The following SYN3 variants were observed in gnomAD, a reference collection of about 807,000 sequenced individuals.
SYN3 encodes the protein synapsin III, also known as synapsin-3.
In SYN3, 35 loss-of-function variants were observed where a neutral mutation model predicts 65.8. The ratio of observed to expected loss-of-function variants is 0.53; its 90% confidence interval spans 0.41 to 0.70. The LOEUF is 0.70. Among genes scored for constraint, SYN3 ranks in the 30% least tolerant of loss-of-function variants. The probability of loss-of-function intolerance (pLI) is 0.00; values close to 1 mark genes in which losing one functional copy is unlikely to be tolerated. For synonymous variants in SYN3, 270 were observed against 292.9 expected (o/e 0.92, Z 0.80); for missense variants, 680 against 749.0 (o/e 0.91, Z 1.08).
chr22:32,780,973 CCTTCCCTCCT>C (rs879647018), intron 6 of SYN3, among the ~76,000 whole-genome samples: 16,407 of 96,620 alleles, frequency 0.17, 1,254 homozygotes, highest in East Asian at 0.34. Flanking sequence ...TTCCTTCCTT[CCTTCCCTCCT>C]TCCTTCCTCT....
At chr22:32,885,929 G>A (rs1436618102) in intron 4 of SYN3, among the ~76,000 whole-genome samples, 1 of 152,148 alleles carries the variant, frequency 6.6e-6, no homozygotes, top group Admixed American at 6.6e-5. Context: ...AACGAACCAG[G>A]ATTCACCTCA....
At chr22:32,914,685 G>A (rs1481685009) in intron 4 of SYN3, among the ~76,000 whole-genome samples, 4 of 151,924 alleles carry the variant, frequency 2.6e-5, no homozygotes, top group South Asian at 2.1e-4. Context: ...CTTGTGATCC[G>A]CCCGCCTCGG....
At chr22:32,718,856 C>A (rs1348984645) in intron 6 of SYN3, among the ~76,000 whole-genome samples, 1 of 152,194 alleles carries the variant, frequency 6.6e-6, no homozygotes, top group Non-Finnish European at 1.5e-5. Context: ...CGGCACCCAG[C>A]GTTCCTTTTA....
At chr22:32,707,982 T>C (rs5754222) in intron 6 of SYN3, among the ~76,000 whole-genome samples, 43,949 of 152,206 alleles carry the variant, frequency 0.29, 9,203 homozygotes, top group East Asian at 0.66. Flanking sequence ...CTCTGCAGCA[T>C]AGATCAGAAA....
intron 6 of SYN3, chr22:32,849,572 T>C: frequency 6.3e-7 from 1 of 1,592,748 alleles, no homozygotes; most frequent in Non-Finnish European, 8.6e-7. Context: ...GGAAGGTTTT[T>C]GGGTTTTTGC....
intron 6 of SYN3, among the ~76,000 whole-genome samples, chr22:32,756,793 C>T (rs971224413): frequency 6.6e-6 from 1 of 152,192 alleles, no homozygotes. Flanking sequence ...GGTGTCGGGG[C>T]CAGTCCTGTA....
chr22:32,949,135 G>A (rs187830371), intron 3 of SYN3, among the ~76,000 whole-genome samples: 106 of 152,214 alleles, frequency 7.0e-4, no homozygotes, highest in Admixed American at 2.0e-3. Context: ...TTTTGGCCGG[G>A]CACAGCAGCT....
chr22:32,814,624 A>G (rs1457830096), intron 6 of SYN3, among the ~76,000 whole-genome samples: 2 of 152,224 alleles, frequency 1.3e-5, no homozygotes, highest in Non-Finnish European at 2.9e-5. Flanking sequence ...GGGCTCCTTT[A>G]AGCCAGAGGA....
At chr22:32,859,657 CGTGATAA>C in intron 6 of SYN3, 1 of 452,436 alleles carries the variant, frequency 2.2e-6, no homozygotes, top group Non-Finnish European at 3.9e-6. Flanking sequence ...TCCTCTTCTT[CGTGATAA>C]TATAATCTCT....
intron 4 of SYN3, among the ~76,000 whole-genome samples, chr22:32,876,666 G>GA (rs1215586533): frequency 6.6e-6 from 1 of 151,138 alleles, no homozygotes; most frequent in Non-Finnish European, 1.5e-5. Context: ...CTTCATTCTG[G>GA]AAAAAAATGG....
intron 4 of SYN3, among the ~76,000 whole-genome samples, chr22:32,872,643 T>C (rs527615237): frequency 7.3e-4 from 111 of 152,322 alleles, no homozygotes; most frequent in Admixed American, 2.2e-3. Flanking sequence ...CTTGAAAGTC[T>C]AGGGTATGAT....
chr22:32,613,322 T>C (rs2059472443), intron 6 of SYN3, among the ~76,000 whole-genome samples: 3 of 152,128 alleles, frequency 2.0e-5, no homozygotes, highest in African/African-American at 7.2e-5. Context: ...TAAATAAATA[T>C]TGGTACAGGG....
chr22:32,721,517 C>T (rs941661866), intron 6 of SYN3, among the ~76,000 whole-genome samples: 4 of 152,190 alleles, frequency 2.6e-5, no homozygotes, highest in Non-Finnish European at 5.9e-5. Context: ...TCCTTTGATA[C>T]AACCCATTTC....
chr22:32,592,940 T>G (rs182841950), intron 7 of SYN3, among the ~76,000 whole-genome samples: 4 of 152,284 alleles, frequency 2.6e-5, no homozygotes, highest in Admixed American at 2.6e-4. Context: ...GGCCAGCAAT[T>G]GCATCCATGG....
At chr22:32,622,085 A>T (rs942467685) in intron 6 of SYN3, among the ~76,000 whole-genome samples, 1 of 152,044 alleles carries the variant, frequency 6.6e-6, no homozygotes, top group African/African-American at 2.4e-5. Flanking sequence ...ACCCCACAAA[A>T]GGCCCTGTTT....
intron 1 of SYN3, among the ~76,000 whole-genome samples, chr22:33,029,428 C>T (rs1212603881): frequency 6.6e-6 from 1 of 152,058 alleles, no homozygotes; most frequent in African/African-American, 2.4e-5. Context: ...AGAAATCCTC[C>T]CACCTCAACC....
chr22:32,930,081 G>A (rs1011701494), intron 4 of SYN3, among the ~76,000 whole-genome samples: 3 of 152,204 alleles, frequency 2.0e-5, no homozygotes, highest in African/African-American at 7.2e-5. Context: ...ATGGCATACA[G>A]TAGGCACTCA....
intron 1 of SYN3, among the ~76,000 whole-genome samples, chr22:33,053,781 T>C (rs2054210139): frequency 6.6e-6 from 1 of 152,028 alleles, no homozygotes; most frequent in South Asian, 2.1e-4. Context: ...GATCTTAAGG[T>C]CTCCTGGAGT....
At position 32,541,642 on chromosome 22, in the gene SYN3, G is replaced by T. The variant is rs774093694; in HGVS notation, c.846C>A (p.Thr282=). The T allele has an allele frequency of 6.2e-7, 1 of 1,614,022 alleles. No homozygotes were observed. Among genetic ancestry groups the T allele is most frequent in the African/African-American group, 1.3e-5 (1 of 74,904 alleles). Residue 282 remains threonine, a synonymous_variant, in exon 8 of 14, where the codon ACC becomes ACA. Coordinates refer to ENST00000358763, the MANE Select transcript of SYN3 (RefSeq NM_003490.4). ...SVVAMAKTYA[T]TEAFIDSKYD... is the part of the protein sequence containing the mutation. Reference sequence around the variant, plus strand: ...ACTTGGAGTCGATGAAGGCCTCGGTGGTGGCGTAGGTTTTGGCCATGGCGA... The same window carrying T: ...ACTTGGAGTCGATGAAGGCCTCGGTTGTGGCGTAGGTTTTGGCCATGGCGA...
Sources: allele counts gnomAD v4.1 joint callset (sites outside exome capture counted in the v4.1 genomes callset), GRCh38; gene constraint gnomAD v4.1.1; transcripts MANE v1.5; gene names NCBI Gene and HGNC (gene_info 2026-07-23, HGNC 2026-07-21).